The following GLT8D2 variants were observed in gnomAD, a reference collection of about 807,000 sequenced individuals.
The protein encoded by GLT8D2 is glycosyltransferase 8 domain containing 2.
A neutral mutation model predicts 44.5 loss-of-function variants in GLT8D2; 45 were observed. That is an observed-to-expected ratio of 1.01 (90% CI 0.80 to 1.30). The LOEUF is 1.30. Among genes scored for constraint, GLT8D2 ranks in the 50% most tolerant of loss-of-function variants. The probability of loss-of-function intolerance (pLI) is 0.00; values close to 1 mark genes in which losing one functional copy is unlikely to be tolerated. For synonymous variants in GLT8D2, 156 were observed against 157.2 expected (o/e 0.99, Z 0.06); for missense variants, 400 against 430.4 (o/e 0.93, Z 0.62).
chr12:104,023,508 T>A (rs1358038612), intron 1 of GLT8D2, among the ~76,000 whole-genome samples: 1 of 152,228 alleles, frequency 6.6e-6, no homozygotes, highest in South Asian at 2.1e-4. Flanking sequence ...CCATGTCAGC[T>A]TCAAAATTTG....
At chr12:104,007,519 T>C (rs1423735303) in intron 4 of GLT8D2, among the ~76,000 whole-genome samples, 1 of 152,164 alleles carries the variant, frequency 6.6e-6, no homozygotes. Flanking sequence ...TAATTTTGTT[T>C]TCACAATATA....
At chr12:104,043,096 G>C (rs1427940232) in intron 1 of GLT8D2, among the ~76,000 whole-genome samples, 1 of 152,154 alleles carries the variant, frequency 6.6e-6, no homozygotes, top group East Asian at 1.9e-4. Context: ...TCCTGCACGT[G>C]GCCCGGGGGA....
upstream of GLT8D2, among the ~76,000 whole-genome samples, chr12:104,054,572 C>T (rs557522728): frequency 5.3e-5 from 8 of 151,934 alleles, no homozygotes; most frequent in African/African-American, 1.9e-4. Context: ...ACCTGCCTCC[C>T]CATGTTCATT....
chr12:104,025,962 G>C (rs1425554838), intron 1 of GLT8D2, among the ~76,000 whole-genome samples: 3 of 152,120 alleles, frequency 2.0e-5, no homozygotes, highest in East Asian at 3.9e-4. Context: ...TGACTAAAAA[G>C]TGAGCTACAT....
intron 3 of GLT8D2, among the ~76,000 whole-genome samples, chr12:104,018,644 C>T (rs551592239): frequency 1.3e-5 from 2 of 152,232 alleles, no homozygotes; most frequent in Admixed American, 6.5e-5. Flanking sequence ...GAGGCTGAGG[C>T]GGGTGGATCA....
intron 1 of GLT8D2, among the ~76,000 whole-genome samples, chr12:104,062,272 C>T (rs2136568039): frequency 6.6e-6 from 1 of 152,126 alleles, no homozygotes; most frequent in South Asian, 2.1e-4. Context: ...TGGGTTTCAC[C>T]ATGTTGGCCA....
intron 3 of GLT8D2, among the ~76,000 whole-genome samples, chr12:104,016,862 G>GAAAGAAAGAA (rs1876903291): frequency 6.7e-6 from 1 of 150,186 alleles, no homozygotes; most frequent in Admixed American, 6.6e-5. Context: ...AAGAAAGAAA[G>GAAAGAAAGAA]AAAGAAAGAA....
chr12:103,989,531 A>G lies in GLT8D2; in HGVS notation c.927T>C (p.Ala309=). 5.0e-6 allele frequency: 8 copies of G among 1,613,552 alleles called. No individual in the cohort carries two copies. Among genetic ancestry groups the G allele is most frequent in the Non-Finnish European group, 6.8e-6 (8 of 1,179,674 alleles). The stretch of plus-strand genomic sequence containing the variant: ...GTCTTCCATTCCAGTGGAGTAATTT[A>G]GCTTCCTGCAGAAAATGCTCCGAAT... ...ARYSEHFLQE[A]KLLHWNGRHK... The change falls in exon 11 of 11, where the codon GCT becomes GCC. Residue 309 remains alanine (A), a synonymous_variant. Transcript: ENST00000360814.
At chr12:104,062,316 G>A (rs1221345223) in intron 1 of GLT8D2, among the ~76,000 whole-genome samples, 1 of 151,980 alleles carries the variant, frequency 6.6e-6, no homozygotes, top group African/African-American at 2.4e-5. Context: ...CAGGTAATCT[G>A]CCCTCCTCGG....
intron 6 of GLT8D2, among the ~76,000 whole-genome samples, chr12:103,998,907 C>T (rs1447154306): frequency 1.3e-5 from 2 of 152,114 alleles, no homozygotes; most frequent in Admixed American, 6.5e-5. Flanking sequence ...CAGTAAAATA[C>T]CTTAAGATTT....
chr12:103,991,434 C>T (rs944493254), intron 10 of GLT8D2, among the ~76,000 whole-genome samples: 3 of 152,086 alleles, frequency 2.0e-5, no homozygotes, highest in African/African-American at 4.8e-5. Context: ...GTGATCCACC[C>T]GCTTCAACCT....
chr12:104,062,843 T>C (rs1882787602), intron 1 of GLT8D2, among the ~76,000 whole-genome samples: 1 of 152,170 alleles, frequency 6.6e-6, no homozygotes, highest in African/African-American at 2.4e-5. Flanking sequence ...ATGAAGTTGA[T>C]ATCATATAGA....
At chr12:104,015,819 T>C (rs1876504644) in intron 3 of GLT8D2, among the ~76,000 whole-genome samples, 1 of 151,944 alleles carries the variant, frequency 6.6e-6, no homozygotes, top group Non-Finnish European at 1.5e-5. Context: ...CTGGGCAATA[T>C]GGTGAAACCC....
upstream of GLT8D2, chr12:104,050,250 C>T (rs1379866571): frequency 6.6e-6 from 1 of 152,262 alleles, no homozygotes; most frequent in Non-Finnish European, 1.5e-5. Context: ...GCCAGACTTC[C>T]TCTGGCTAAG....
chr12:104,004,482 G>A (rs189259219), intron 4 of GLT8D2, among the ~76,000 whole-genome samples: 2 of 152,158 alleles, frequency 1.3e-5, no homozygotes, highest in South Asian at 2.1e-4. Flanking sequence ...TAGAAAACCC[G>A]ACCGTCTCAG....
chr12:104,016,826 A>AAAGAAAGAAAGAAAG (rs1304515840), intron 3 of GLT8D2, among the ~76,000 whole-genome samples: 1 of 72,498 alleles, frequency 1.4e-5, no homozygotes, highest in Non-Finnish European at 2.6e-5. Flanking sequence ...AAAGAGAAAG[A>AAAGAAAGAAAGAAAG]AAAGAAAGAA....
intron 1 of GLT8D2, among the ~76,000 whole-genome samples, chr12:104,045,205 G>A (rs930053442): frequency 6.6e-6 from 1 of 152,160 alleles, no homozygotes; most frequent in Non-Finnish European, 1.5e-5. Context: ...CCAGAAGGAG[G>A]GGAACTGCTG....
At chr12:103,997,410 C>A in intron 7 of GLT8D2, 41 bp downstream of exon 7, 1 of 1,365,026 alleles carries the variant, frequency 7.3e-7, no homozygotes, top group South Asian at 1.2e-5. Context: ...TACTTATCAG[C>A]TGCTTCTTTT....
chr12:104,043,793 C>T (rs1021493918), intron 1 of GLT8D2, among the ~76,000 whole-genome samples: 43 of 152,106 alleles, frequency 2.8e-4, no homozygotes, highest in African/African-American at 9.9e-4. Flanking sequence ...AATTGCTCCA[C>T]AAAAAAATCA....
Sources: gnomAD v4.1 joint callset for allele counts (sites outside exome capture counted in the v4.1 genomes callset) on GRCh38, gnomAD v4.1.1 for gene constraint, MANE v1.5 for transcripts, NCBI Gene and HGNC (gene_info 2026-07-23, HGNC 2026-07-21) for gene names.